Variants in CCDC73 observed in about 807,000 individuals in gnomAD.
CCDC73 encodes coiled-coil domain-containing protein 73.
CCDC73 carries 95 observed loss-of-function variants against 116.5 expected under a neutral mutation model. That is an observed-to-expected ratio of 0.82 (90% CI 0.69 to 0.97). The LOEUF (loss-of-function observed/expected upper bound fraction) is 0.97, where lower values mean the gene tolerates loss of function less well. CCDC73 is among the 50% of genes least tolerant of loss of function. CCDC73 has a pLI of 0.00. For synonymous variants in CCDC73, 398 were observed against 401.3 expected, an observed-to-expected ratio of 0.99 and a Z score of 0.10; for missense variants, 1,066 against 1,206.8, an observed-to-expected ratio of 0.88 and a Z score of 1.73.
intron 4 of CCDC73, 99 bp downstream of exon 4, chr11:32,702,774 C>G: frequency 1.2e-6 from 1 of 829,718 alleles, no homozygotes; most frequent in Non-Finnish European, 2.1e-6. Flanking sequence ...TCCTTTTTGT[C>G]TTTGGTGACT....
chr11:32,765,389 A>G (rs1850431631), intron 1 of CCDC73, among the ~76,000 whole-genome samples: 2 of 99,082 alleles, frequency 2.0e-5, no homozygotes, highest in Admixed American at 1.2e-4. Flanking sequence ...AGCAAATGTA[A>G]AAGAACAAAT....
chr11:32,676,905 A>G (rs1488224937), intron 7 of CCDC73, among the ~76,000 whole-genome samples: 1 of 152,182 alleles, frequency 6.6e-6, no homozygotes, highest in Non-Finnish European at 1.5e-5. Context: ...TTACTTATAT[A>G]ATATTATATG....
At chr11:32,801,424 T>C in the CCDC73 span, among the ~76,000 whole-genome samples, 1 of 152,090 alleles carries the variant, frequency 6.6e-6, no homozygotes, top group South Asian at 2.1e-4. Context: ...GGGCAGATCA[T>C]GAGGTGAGGA....
intron 1 of CCDC73, among the ~76,000 whole-genome samples, chr11:32,783,780 G>T (rs185779451): frequency 6.6e-6 from 1 of 152,234 alleles, no homozygotes; most frequent in Admixed American, 6.5e-5. Context: ...ATTTGGGGGA[G>T]ACACAAATAT....
the CCDC73 span, among the ~76,000 whole-genome samples, chr11:32,802,165 A>G: frequency 2.0e-5 from 3 of 152,228 alleles, no homozygotes; most frequent in Admixed American, 6.5e-5. Context: ...TCCAAATATC[A>G]TACTTCATAG....
chr11:32,733,789 T>G (rs1017295685), intron 2 of CCDC73, among the ~76,000 whole-genome samples: 1 of 152,190 alleles, frequency 6.6e-6, no homozygotes, highest in African/African-American at 2.4e-5. Context: ...GGGAAATTTA[T>G]AGCACTAAAT....
intron 1 of CCDC73, among the ~76,000 whole-genome samples, chr11:32,773,102 A>C (rs553537840): frequency 2.6e-5 from 4 of 152,358 alleles, no homozygotes; most frequent in African/African-American, 7.2e-5. Flanking sequence ...AGAAGGGGTG[A>C]AGTAATGACA....
At chr11:32,657,341 C>T (rs531572809) in intron 9 of CCDC73, among the ~76,000 whole-genome samples, 3 of 152,234 alleles carry the variant, frequency 2.0e-5, no homozygotes, top group South Asian at 2.1e-4. Context: ...AAAGTAACCA[C>T]GTGAGTCAAG....
intron 1 of CCDC73, among the ~76,000 whole-genome samples, chr11:32,766,914 C>T (rs1394061783): frequency 6.6e-6 from 1 of 152,180 alleles, no homozygotes; most frequent in Non-Finnish European, 1.5e-5. Flanking sequence ...TTTATAGATT[C>T]AATGCCATCC....
chr11:32,673,164 A>G (rs889945581), intron 9 of CCDC73, among the ~76,000 whole-genome samples: 2 of 152,228 alleles, frequency 1.3e-5, no homozygotes, highest in Non-Finnish European at 2.9e-5. Flanking sequence ...TAGGTATATG[A>G]AAATATGTTC....
At chr11:32,774,516 T>C (rs1850517045) in intron 1 of CCDC73, among the ~76,000 whole-genome samples, 1 of 152,182 alleles carries the variant, frequency 6.6e-6, no homozygotes, top group Non-Finnish European at 1.5e-5. Flanking sequence ...TTTAATTATA[T>C]AAACTCTAGT....
At chr11:32,823,825 G>A in the CCDC73 span, among the ~76,000 whole-genome samples, 1 of 152,004 alleles carries the variant, frequency 6.6e-6, no homozygotes, top group East Asian at 1.9e-4. Context: ...GTGCAGCCCT[G>A]ATCTCCTGGG....
At chr11:32,608,188 T>A (rs182807088) in intron 17 of CCDC73, among the ~76,000 whole-genome samples, 70 of 152,174 alleles carry the variant, frequency 4.6e-4, no homozygotes, top group Non-Finnish European at 7.9e-4. Flanking sequence ...TCAAAACCAA[T>A]CATGCCTTCC....
chr11:32,760,283 G>GAA (rs11442361), intron 1 of CCDC73, 25 bp from the exon 2 acceptor site: 353 of 1,225,786 alleles, frequency 2.9e-4, no homozygotes, highest in East Asian at 3.5e-4. Flanking sequence ...GGTCTTAACT[G>GAA]AAAAAAAATT....
intron 1 of CCDC73, among the ~76,000 whole-genome samples, chr11:32,792,476 A>T (rs578104939): frequency 6.6e-6 from 1 of 152,308 alleles, no homozygotes; most frequent in East Asian, 1.9e-4. Flanking sequence ...ACTGCAGGAC[A>T]TTTTAGAGTC....
chr11:32,665,560 G>A (rs139874535), intron 9 of CCDC73, among the ~76,000 whole-genome samples: 2,213 of 152,150 alleles, frequency 0.015, 40 homozygotes, highest in African/African-American at 0.049. Flanking sequence ...GTCTCTGCAC[G>A]TGAGATGGGT....
intron 2 of CCDC73, among the ~76,000 whole-genome samples, chr11:32,756,922 G>A (rs527727471): frequency 6.6e-6 from 1 of 152,144 alleles, no homozygotes; most frequent in East Asian, 1.9e-4. Flanking sequence ...CTCATAAGTA[G>A]TTCCTGAATA....
chr11:32,790,879 A>G (rs1850668930), intron 1 of CCDC73, among the ~76,000 whole-genome samples: 1 of 152,160 alleles, frequency 6.6e-6, no homozygotes, highest in African/African-American at 2.4e-5. Context: ...AGGTACATAA[A>G]CACTAATTTG....
rs1207828351 is a variant in CCDC73, at chr11:32,760,301, T to C, written c.-15-43A>G. 6.9e-6 allele frequency: 8 copies of C among 1,165,232 alleles called. No homozygotes were observed. In the South Asian group the frequency reaches 1.1e-4, roughly 17 times the overall value. 72.2% of individuals were successfully genotyped at this position (1,165,232 alleles called of 1,614,324 possible). On this transcript the variant is annotated intron_variant, in intron 1 of 17. Transcript: ENST00000335185. ...CTTAACTGAAAAAAAATTATCTAGG[T>C]TTTTCAAGTAAAAGCATAGTTACCA... is the stretch of plus-strand genomic sequence containing the variant.
Sources: gnomAD v4.1 joint callset for allele counts (sites outside exome capture counted in the v4.1 genomes callset) on GRCh38, gnomAD v4.1.1 for gene constraint, MANE v1.5 for transcripts, NCBI Gene and HGNC (gene_info 2026-07-23, HGNC 2026-07-21) for gene names.